HOXA3: variants seen among roughly 807,000 people sequenced by gnomAD.
The protein encoded by HOXA3 is homeobox protein Hox-A3.
In HOXA3, 8 loss-of-function variants were observed where a neutral mutation model predicts 30.3. That is an observed-to-expected ratio of 0.26 (90% CI 0.15 to 0.48). The LOEUF is 0.48. Ranked by LOEUF, HOXA3 falls within the 20% of genes least tolerant of loss-of-function variation. HOXA3 has a pLI of 0.99. For synonymous variants in HOXA3, 323 were observed against 273.1 expected (o/e 1.18, Z -1.80); for missense variants, 653 against 614.4 (o/e 1.06, Z -0.66).
intron 1 of HOXA3, chr7:27,142,992 G>T: frequency 6.9e-7 from 1 of 1,439,896 alleles, no homozygotes; most frequent in South Asian, 1.4e-5. Context: ...AGAGAGGGGG[G>T]ACCGAGAGCC....
chr7:27,111,160 C>T (rs1784353888), intron 4 of HOXA3, among the ~76,000 whole-genome samples: 1 of 152,158 alleles, frequency 6.6e-6, no homozygotes, highest in Admixed American at 6.5e-5. Flanking sequence ...CAAGACTCCT[C>T]CACTCTGGGA....
chr7:27,122,311 A>G (rs887515990), intron 4 of HOXA3: 1 of 152,098 alleles, frequency 6.6e-6, no homozygotes, highest in African/African-American at 2.4e-5. Flanking sequence ...TCCACAACCC[A>G]TCTTTGCCTT....
chr7:27,146,003 A>C, intron 1 of HOXA3: 1 of 1,478,182 alleles, frequency 6.8e-7, no homozygotes, highest in Non-Finnish European at 9.0e-7. Context: ...AGAGGCACCC[A>C]GACTAGAAAC....
At chr7:27,123,927 T>C (rs1054958415) in intron 3 of HOXA3, 1 of 152,220 alleles carries the variant, frequency 6.6e-6, no homozygotes, top group Non-Finnish European at 1.5e-5. Context: ...CCAAAGGGAG[T>C]GCCCCCTGGT....
At chr7:27,132,337 G>A (rs1233834899) in intron 2 of HOXA3, among the ~76,000 whole-genome samples, 2 of 152,182 alleles carry the variant, frequency 1.3e-5, no homozygotes, top group South Asian at 2.1e-4. Context: ...GAAAAGGAAT[G>A]TCAATTCTAT....
At chr7:27,127,188 A>G (rs923974380) in intron 2 of HOXA3, 118 bp from the exon 3 acceptor site, 3 of 152,190 alleles carry the variant, frequency 2.0e-5, no homozygotes, top group Non-Finnish European at 4.4e-5. Flanking sequence ...GGGAGGGTTA[A>G]TAAGTTTCAG....
chr7:27,111,485 C>CGTGTGTGTGTGTGTGTGTGTGTGTGT (rs61655486), intron 4 of HOXA3, among the ~76,000 whole-genome samples: 34 of 148,888 alleles, frequency 2.3e-4, no homozygotes, highest in African/African-American at 6.8e-4. Context: ...GAACACATTG[C>CGTGTGTGTGTGTGTGTGTGTGTGTGT]GTGTGTGTGT....
Position 27,110,239 on chromosome 7 carries a change from G to A in HOXA3, c.402C>T (p.Asn134=), listed in dbSNP as rs1158342597. The part of the protein sequence containing the change: ...SASPPQNASN[N]PTPANAAKSP... ...TCTTGGCCGCGTTGGCAGGGGTAGG[G>A]TTGTTGCTGGCATTCTGAGGAGGGG... The change falls in exon 5 of 6, where the codon AAC becomes AAT. Residue 134 remains asparagine (N), a synonymous_variant. Coordinates refer to ENST00000612286, the MANE Select transcript of HOXA3 (RefSeq NM_153631.3). 1 of 1,613,502 alleles carries A rather than the reference G, an allele frequency of 6.2e-7. No individual in the cohort carries two copies. Among genetic ancestry groups the A allele is most frequent in the Admixed American group, 1.7e-5 (1 of 59,900 alleles).
rs1188340147 is a variant in HOXA3, at chr7:27,108,163, C to T, written c.1084G>A (p.Gly362Arg). The change falls in exon 6 of 6, where the codon GGA becomes AGA. Residue 362 changes from glycine (G) to arginine (R), a missense_variant. Coordinates refer to ENST00000612286, the MANE Select transcript of HOXA3 (RefSeq NM_153631.3). The surrounding 1 kb of genome is among the most constrained non-coding windows in gnomAD (Gnocchi z 5.0). ...NGSYGTPHIQ[G>R]SPVFVGGSYV... ...CTGCCCCCCACGAAGACGGGGCTTC[C>T]CTGTATGTGTGGGGTCCCATAGCTG... The T allele has an allele frequency of 1.3e-6, 2 of 1,575,710 alleles. No individual in the cohort carries two copies. The highest frequency in any genetic ancestry group is 4.5e-5 in the East Asian group (2 of 44,290).
Position 27,110,390 on chromosome 7 carries a change from C to A in HOXA3, c.251G>T (p.Ser84Ile). The change falls in exon 5 of 6, where the codon AGC becomes ATC. Residue 84 changes from serine to isoleucine, a missense_variant. Ser to Ile is a moderately radical substitution (Grantham distance 142, BLOSUM62 -2). This residue lies in a region of HOXA3 where 320 missense variants were observed against 321.9 expected (regional missense o/e 0.99). Transcript: ENST00000612286. ...CGGGTGCAGGGGCGGCTCTCCCAGG[C>A]TTGGAGGCTGGCTAGGTGGGGCGCT... The part of the protein sequence containing the change: ...TLSAPPSQPP[S>I]LGEPPLHPPP... 6.5e-7 allele frequency: 1 copy of A among 1,527,346 alleles called. No homozygotes were observed. Among genetic ancestry groups the A allele is most frequent in the South Asian group, 1.2e-5 (1 of 80,632 alleles). 94.6% of individuals were successfully genotyped at this position (1,527,346 alleles called of 1,614,324 possible). A position where few individuals can be genotyped will look rare whatever the true frequency, so the allele number is the denominator to read the frequency against.
At chr7:27,117,774 A>G (rs1273351017) in intron 4 of HOXA3, among the ~76,000 whole-genome samples, 1 of 90,962 alleles carries the variant, frequency 1.1e-5, no homozygotes, top group Non-Finnish European at 2.1e-5. Context: ...CACCCCTCCC[A>G]GGCAATCTAG....
chr7:27,125,875 G>A (rs1199716737), intron 3 of HOXA3, among the ~76,000 whole-genome samples: 2 of 152,200 alleles, frequency 1.3e-5, no homozygotes, highest in South Asian at 2.1e-4. Flanking sequence ...GGAAGCTTAG[G>A]GGAACAGGGG....
chr7:27,141,856 T>C (rs1213568579), intron 1 of HOXA3: 1 of 1,614,068 alleles, frequency 6.2e-7, no homozygotes, highest in Admixed American at 1.7e-5. Context: ...AGGCCCCTCC[T>C]GCCGCGGCCA....
chr7:27,141,567 G>T, intron 1 of HOXA3: 4 of 313,496 alleles, frequency 1.3e-5, no homozygotes, highest in Admixed American at 4.6e-5. Context: ...GTTACTTCAA[G>T]TAACACAGCT....
chr7:27,130,683 G>T, intron 2 of HOXA3: 1 of 1,608,654 alleles, frequency 6.2e-7, no homozygotes. Flanking sequence ...CGAAGGGAGG[G>T]AACTTGGGCT....
chr7:27,112,392 A>G (rs1239443658), intron 4 of HOXA3, among the ~76,000 whole-genome samples: 2 of 152,232 alleles, frequency 1.3e-5, no homozygotes, highest in Non-Finnish European at 2.9e-5. Flanking sequence ...ATTGTTGATA[A>G]TGGACTCCTT....
chr7:27,107,720 T>A lies in HOXA3; in HGVS notation c.*195A>T, dbSNP rs538913360. 32 of 464,018 alleles carry A rather than the reference T, an allele frequency of 6.9e-5. No individual in the cohort carries two copies. Among genetic ancestry groups the A allele is most frequent in the African/African-American group, 4.6e-4 (23 of 49,862 alleles). 28.7% of individuals were successfully genotyped at this position (464,018 alleles called of 1,614,324 possible). A position where few individuals can be genotyped will look rare whatever the true frequency, so the allele number is the denominator to read the frequency against. On this transcript the variant is annotated 3_prime_UTR_variant, in exon 6 of 6. Coordinates refer to ENST00000612286, the MANE Select transcript of HOXA3 (RefSeq NM_153631.3). ...GATACAGCCATTCCAGCAACCAAGA[T>A]TGCTACGTCACATAAACTATAAAAA...
At chr7:27,149,521 T>C (rs112563481) in intron 1 of HOXA3, among the ~76,000 whole-genome samples, 71 of 152,322 alleles carry the variant, frequency 4.7e-4, no homozygotes, top group African/African-American at 1.6e-3. Context: ...TGGCCTAAGG[T>C]CGACCTCCGA....
chr7:27,129,525 G>C (rs538355343), intron 2 of HOXA3: 12 of 1,614,136 alleles, frequency 7.4e-6, no homozygotes, highest in Non-Finnish European at 1.0e-5. Context: ...GCCGGGTGTA[G>C]GCGGTTCGAG....
Sources: gnomAD v4.1 joint callset for allele counts (sites outside exome capture counted in the v4.1 genomes callset) on GRCh38, gnomAD v4.1.1 for gene constraint, gnomAD v4.1.1 regional missense constraint, Gnocchi (gnomAD v3.1) non-coding constraint, MANE v1.5 for transcripts, NCBI Gene and HGNC (gene_info 2026-07-23, HGNC 2026-07-21) for gene names.